KMT2C: variants seen among roughly 807,000 people sequenced by gnomAD.
KMT2C encodes histone-lysine N-methyltransferase 2C.
In KMT2C, 88 loss-of-function variants were observed where a neutral mutation model predicts 507.9. That is an observed-to-expected ratio of 0.17 (90% CI 0.15 to 0.21). The LOEUF (loss-of-function observed/expected upper bound fraction) is 0.21. Among genes scored for constraint, KMT2C ranks in the 10% least tolerant of loss-of-function variants. The pLI is 1.00. For missense variants in KMT2C, 4,954 were observed against 5,957.8 expected, an observed-to-expected ratio of 0.83 and a Z score of 5.55; for synonymous variants, 2,049 against 2,080.8, an observed-to-expected ratio of 0.98 and a Z score of 0.42.
intron 14 of KMT2C, among the ~76,000 whole-genome samples, chr7:152,245,513 C>A (rs2095458153): frequency 1.3e-5 from 2 of 151,908 alleles, no homozygotes; most frequent in Non-Finnish European, 2.9e-5. Context: ...AGTGTAACTA[C>A]TTGAAAATTT....
At chr7:152,228,124 T>C (rs1413500315) in intron 18 of KMT2C, among the ~76,000 whole-genome samples, 2 of 152,226 alleles carry the variant, frequency 1.3e-5, no homozygotes, top group African/African-American at 4.8e-5. Context: ...TGTATCATAA[T>C]ATTACATTGA....
intron 1 of KMT2C, among the ~76,000 whole-genome samples, chr7:152,396,401 T>C (rs546803299): frequency 2.0e-4 from 30 of 152,310 alleles, no homozygotes; most frequent in African/African-American, 7.2e-4. Context: ...GTTGTGAGGA[T>C]TAAATAAATT....
In KMT2C at chr7:152,252,077, C is replaced by A; in HGVS notation, c.1483G>T (p.Glu495Ter). 6.2e-7 allele frequency: 1 copy of A among 1,608,526 alleles called. No individual in the cohort carries two copies. The change falls in exon 11 of 59, where the codon GAG (glutamate) becomes TAG (stop). Residue 495 changes from glutamate (E) to a stop codon, truncating the protein, a stop_gained. Transcript: ENST00000262189. LOFTEE classifies it high-confidence loss of function. ...CNMCKRWVHL[E>*]CDKPTDHELD... is the part of the protein sequence containing the mutation. ...TCATGATCTGTTGGTTTGTCACACT[C>A]TAGGTGAACCCACCTGCAGTGATAA... is the stretch of plus-strand genomic sequence containing the variant.
chr7:152,171,474 A>G lies in KMT2C; in HGVS notation c.9375-132T>C, dbSNP rs539117070. On this transcript the variant is annotated intron_variant, in intron 39 of 58. Coordinates refer to ENST00000262189, the MANE Select transcript of KMT2C (RefSeq NM_170606.3). Reference sequence around the variant, plus strand: ...CAGTGGCAATTTCTTCTTCATCAAAACACTAAAGCCCTACCTTTCATGTAC... The same window carrying G: ...CAGTGGCAATTTCTTCTTCATCAAAGCACTAAAGCCCTACCTTTCATGTAC... The G allele has an allele frequency of 1.4e-5, 8 of 572,936 alleles. No individual in the cohort carries two copies. In the East Asian group the frequency reaches 2.4e-4, roughly 17 times the overall value. 35.5% of individuals were successfully genotyped at this position (572,936 alleles called of 1,614,324 possible). A position where few individuals can be genotyped will look rare whatever the true frequency, so the allele number is the denominator to read the frequency against.
At chr7:152,380,505 T>C (rs1336341361) in intron 1 of KMT2C, among the ~76,000 whole-genome samples, 1 of 150,338 alleles carries the variant, frequency 6.7e-6, no homozygotes, top group Non-Finnish European at 1.5e-5. Flanking sequence ...GAGGCAGAGG[T>C]TGCAGTGAGC....
intron 3 of KMT2C, among the ~76,000 whole-genome samples, chr7:152,330,247 T>C (rs1197327133): frequency 1.3e-5 from 2 of 151,492 alleles, no homozygotes; most frequent in Non-Finnish European, 2.9e-5. Flanking sequence ...GGGGAGAAGG[T>C]AAGGAACAAA....
chr7:152,250,034 A>G (rs546078464), intron 12 of KMT2C, 81 bp from the exon 13 acceptor site: 1 of 785,660 alleles, frequency 1.3e-6, no homozygotes, highest in South Asian at 1.5e-5. Flanking sequence ...TTGAGTAAAG[A>G]GTTTTATTCT....
intron 3 of KMT2C, among the ~76,000 whole-genome samples, chr7:152,318,074 G>C (rs1020021048): frequency 5.3e-5 from 8 of 151,978 alleles, no homozygotes; most frequent in African/African-American, 1.9e-4. Flanking sequence ...GGAGGCGGAG[G>C]TTGCAATGAA....
intron 44 of KMT2C, chr7:152,157,750 G>T: frequency 8.2e-7 from 1 of 1,214,282 alleles, no homozygotes; most frequent in East Asian, 6.0e-5. Context: ...CACCTTGGCA[G>T]AGAAACATAC....
chr7:152,171,613 G>C (rs1246976300), intron 39 of KMT2C, among the ~76,000 whole-genome samples: 2 of 152,222 alleles, frequency 1.3e-5, no homozygotes, highest in African/African-American at 4.8e-5. Context: ...ACAAGGACTA[G>C]TAGGGCTGCA....
chr7:152,297,047 A>AAGAAAGAAAGAAAGAAAGAC (rs2096513610), intron 6 of KMT2C, among the ~76,000 whole-genome samples: 1 of 68,930 alleles, frequency 1.5e-5, no homozygotes, highest in Non-Finnish European at 3.1e-5. Flanking sequence ...GAAAGAAAGA[A>AAGAAAGAAAGAAAGAAAGAC]AGAAAGACAG....
At chr7:152,204,420 C>A (rs1180221598) in intron 25 of KMT2C, among the ~76,000 whole-genome samples, 1 of 152,070 alleles carries the variant, frequency 6.6e-6, no homozygotes, top group Non-Finnish European at 1.5e-5. Context: ...CAAAGTGAGA[C>A]CCTGTCTTTG....
intron 1 of KMT2C, among the ~76,000 whole-genome samples, chr7:152,359,040 C>G (rs947676217): frequency 3.9e-5 from 6 of 152,020 alleles, no homozygotes; most frequent in African/African-American, 1.5e-4. Context: ...AGTTCACATA[C>G]CAGGTTTAAC....
intron 48 of KMT2C, among the ~76,000 whole-genome samples, chr7:152,153,433 A>C (rs2091807537): frequency 6.6e-6 from 1 of 152,240 alleles, no homozygotes; most frequent in Non-Finnish European, 1.5e-5. Flanking sequence ...AAAATAAAAA[A>C]TCCTCAGGAA....
chr7:152,258,675 A>C (rs6464216), intron 9 of KMT2C, among the ~76,000 whole-genome samples: 1 of 151,752 alleles, frequency 6.6e-6, no homozygotes, highest in East Asian at 1.9e-4. Context: ...CATGGCACCC[A>C]CTATCATGCC....
Position 152,176,770 on chromosome 7 carries a change from G to C in KMT2C, c.8683C>G (p.Gln2895Glu), listed in dbSNP as rs2093229567. ...TGAGCAGGTAGTTGAGTGGATGCCT[G>C]AATGACATTTGCACTGGGGCCAGCA... ...ETAGPSANVIQASTQLPAQDV... is the reference protein window; with the variant it reads ...ETAGPSANVIEASTQLPAQDV... Residue 2895 changes from glutamine to glutamate, a missense_variant, in exon 38 of 59, where the codon CAG (glutamine) becomes GAG (glutamate). This residue lies in a region of KMT2C where 1,689 missense variants were observed against 1,654.3 expected (regional missense o/e 1.02). Coordinates refer to ENST00000262189, the MANE Select transcript of KMT2C (RefSeq NM_170606.3). The C allele has an allele frequency of 1.2e-6, 2 of 1,614,052 alleles. No homozygotes were observed. Among genetic ancestry groups the C allele is most frequent in the African/African-American group, 1.3e-5 (1 of 74,932 alleles).
At chr7:152,377,687 A>G (rs1399623381) in intron 1 of KMT2C, among the ~76,000 whole-genome samples, 1 of 150,160 alleles carries the variant, frequency 6.7e-6, no homozygotes, top group Non-Finnish European at 1.5e-5. Flanking sequence ...CTAAACCAAG[A>G]TCGCACCACT....
At chr7:152,424,634 G>A (rs759117508) in intron 1 of KMT2C, among the ~76,000 whole-genome samples, 50 of 152,030 alleles carry the variant, frequency 3.3e-4, no homozygotes, top group Non-Finnish European at 5.1e-4. Flanking sequence ...ATATTGCCCG[G>A]GCTGGTCTTG....
intron 9 of KMT2C, among the ~76,000 whole-genome samples, chr7:152,255,791 A>G (rs1248399386): frequency 1.3e-5 from 2 of 152,208 alleles, no homozygotes. Context: ...GGTTTTTAGA[A>G]AACTGAATAG....
Sources: gnomAD v4.1 joint callset for allele counts (sites outside exome capture counted in the v4.1 genomes callset) on GRCh38, gnomAD v4.1.1 for gene constraint, gnomAD v4.1.1 regional missense constraint, MANE v1.5 for transcripts, NCBI Gene and HGNC (gene_info 2026-07-23, HGNC 2026-07-21) for gene names.